The following FOXP2 variants were observed in gnomAD, a reference collection of about 807,000 sequenced individuals.
FOXP2 encodes forkhead box P2.
In FOXP2, 12 loss-of-function variants were observed where a neutral mutation model predicts 115.8. The ratio of observed to expected loss-of-function variants is 0.10; its 90% CI spans 0.07 to 0.17. The LOEUF (loss-of-function observed/expected upper bound fraction) is 0.17. FOXP2 is among the 10% of genes least tolerant of loss of function. FOXP2 has a pLI of 1.00. For missense variants in FOXP2, 629 were observed against 843.5 expected (o/e 0.75, Z 3.15); for synonymous variants, 328 against 297.7 (o/e 1.10, Z -1.05).
intron 1 of FOXP2, among the ~76,000 whole-genome samples, chr7:114,175,417 A>G (rs1021987866): frequency 6.6e-6 from 1 of 152,180 alleles, no homozygotes; most frequent in Non-Finnish European, 1.5e-5. Context: ...GCCATGGGTA[A>G]CAATGTTAAG....
At chr7:114,173,184 T>A (rs1174085207) in intron 1 of FOXP2, among the ~76,000 whole-genome samples, 2 of 151,976 alleles carry the variant, frequency 1.3e-5, no homozygotes, top group Non-Finnish European at 2.9e-5. Context: ...GAGAAATACT[T>A]AATATTTAAT....
chr7:114,380,817 T>C (rs1792270892), intron 2 of FOXP2, among the ~76,000 whole-genome samples: 1 of 152,260 alleles, frequency 6.6e-6, no homozygotes, highest in African/African-American at 2.4e-5. Flanking sequence ...CACCAGTACC[T>C]GTAAACAATG....
chr7:114,191,765 C>T (rs988993566), intron 1 of FOXP2, among the ~76,000 whole-genome samples: 1 of 152,118 alleles, frequency 6.6e-6, no homozygotes, highest in Non-Finnish European at 1.5e-5. Context: ...AATTGTGATA[C>T]AGTATTATTA....
chr7:114,620,918 G>A (rs1237016206), intron 3 of FOXP2, among the ~76,000 whole-genome samples: 2 of 151,820 alleles, frequency 1.3e-5, no homozygotes, highest in African/African-American at 2.4e-5. Context: ...CAGACCTAGG[G>A]GTATACTACA....
chr7:114,234,729 T>C (rs1794965315), intron 1 of FOXP2, among the ~76,000 whole-genome samples: 1 of 152,238 alleles, frequency 6.6e-6, no homozygotes, highest in Admixed American at 6.5e-5. Context: ...TTCGTTCTAC[T>C]CTAATCTGGC....
At chr7:114,675,634 CATT>C (rs1234812399) in intron 16 of FOXP2, among the ~76,000 whole-genome samples, 1 of 152,028 alleles carries the variant, frequency 6.6e-6, no homozygotes, top group Non-Finnish European at 1.5e-5. Context: ...GAGTTATCAT[CATT>C]AATTCAATAA....
intron 2 of FOXP2, among the ~76,000 whole-genome samples, chr7:114,501,542 C>A (rs1436273791): frequency 6.6e-6 from 1 of 152,010 alleles, no homozygotes; most frequent in Non-Finnish European, 1.5e-5. Flanking sequence ...GTCATGCACA[C>A]AGAGTGATAG....
intron 1 of FOXP2, among the ~76,000 whole-genome samples, chr7:114,285,720 A>AT (rs1157592678): frequency 6.6e-6 from 1 of 152,024 alleles, no homozygotes; most frequent in Non-Finnish European, 1.5e-5. Context: ...TTTAATTTGC[A>AT]TCTTCCTGAT....
intron 9 of FOXP2, among the ~76,000 whole-genome samples, chr7:114,653,658 G>A (rs1806410433): frequency 6.6e-6 from 1 of 152,070 alleles, no homozygotes; most frequent in Admixed American, 6.6e-5. Context: ...TGTTACTGTC[G>A]AGGCAACTGT....
intron 4 of FOXP2, among the ~76,000 whole-genome samples, chr7:114,629,213 A>G (rs1804757328): frequency 6.6e-6 from 1 of 152,186 alleles, no homozygotes; most frequent in Admixed American, 6.5e-5. Flanking sequence ...TCTTTTTAAA[A>G]TAACAAACAT....
At chr7:114,158,148 A>G (rs1792719241), upstream of FOXP2, among the ~76,000 whole-genome samples, 1 of 152,104 alleles carries the variant, frequency 6.6e-6, no homozygotes. Flanking sequence ...AAGTGCTAAA[A>G]GTCAATAGCA....
intron 2 of FOXP2, among the ~76,000 whole-genome samples, chr7:114,310,021 G>A (rs893826459): frequency 2.0e-5 from 3 of 151,972 alleles, no homozygotes; most frequent in African/African-American, 4.8e-5. Flanking sequence ...CAAACATCTG[G>A]GATATTGTCA....
intron 2 of FOXP2, among the ~76,000 whole-genome samples, chr7:114,452,941 C>T (rs577194240): frequency 6.6e-6 from 1 of 152,082 alleles, no homozygotes; most frequent in Non-Finnish European, 1.5e-5. Flanking sequence ...ACTGCCTTCT[C>T]TTAGTGTTTG....
chr7:114,398,536 T>A (rs1792800704), intron 2 of FOXP2, among the ~76,000 whole-genome samples: 1 of 152,320 alleles, frequency 6.6e-6, no homozygotes, highest in Non-Finnish European at 1.5e-5. Flanking sequence ...TAAATGCCAA[T>A]GAACATGAAG....
chr7:114,160,541 G>A (rs970415201), upstream of FOXP2, among the ~76,000 whole-genome samples: 12 of 152,152 alleles, frequency 7.9e-5, no homozygotes, highest in African/African-American at 1.4e-4. Flanking sequence ...CCTAAGGGAT[G>A]GGAAATGAAG....
chr7:114,270,234 C>G (rs1796002440), intron 1 of FOXP2, among the ~76,000 whole-genome samples: 1 of 152,164 alleles, frequency 6.6e-6, no homozygotes, highest in Non-Finnish European at 1.5e-5. Flanking sequence ...TGAAGGACAT[C>G]TTGCTAGCCC....
chr7:114,148,007 G>GTGTT (rs1554422086), intron 1 of FOXP2, among the ~76,000 whole-genome samples: 1 of 152,172 alleles, frequency 6.6e-6, no homozygotes, highest in Non-Finnish European at 1.5e-5. Context: ...TGGCCACACT[G>GTGTT]TGTTATTCTA....
At chr7:114,622,554 CCTTTTCTGACT>C (rs547027529) in intron 3 of FOXP2, among the ~76,000 whole-genome samples, 42 of 151,828 alleles carry the variant, frequency 2.8e-4, no homozygotes, top group Non-Finnish European at 5.7e-4. Flanking sequence ...TCTTTTGCTG[CCTTTTCTGACT>C]CTTTGTTTTG....
intron 3 of FOXP2, among the ~76,000 whole-genome samples, chr7:114,598,191 C>T (rs1802828165): frequency 1.3e-5 from 2 of 152,096 alleles, no homozygotes; most frequent in Non-Finnish European, 1.5e-5. Flanking sequence ...TACTTTGAGT[C>T]ATTGGTTTTA....
Sources: gnomAD v4.1 joint callset for allele counts (sites outside exome capture counted in the v4.1 genomes callset) on GRCh38, gnomAD v4.1.1 for gene constraint, MANE v1.5 for transcripts, NCBI Gene and HGNC (gene_info 2026-07-23, HGNC 2026-07-21) for gene names.